Variants in LRIF1 observed in about 807,000 individuals in gnomAD.
The protein encoded by LRIF1 is ligand-dependent nuclear receptor-interacting factor 1.
A neutral mutation model predicts 52.7 loss-of-function variants in LRIF1; 32 were observed. That is an observed-to-expected ratio of 0.61 (90% CI 0.46 to 0.82). The LOEUF is 0.82. LRIF1 is among the 40% of genes least tolerant of loss of function. LRIF1 has a pLI of 0.00. For missense variants in LRIF1, 887 were observed against 892.0 expected, an observed-to-expected ratio of 0.99 and a Z score of 0.07; for synonymous variants, 323 against 317.4, an observed-to-expected ratio of 1.02 and a Z score of -0.19.
chr1:110,941,248 A>G, the LRIF1 span: 1 of 152,100 alleles, frequency 6.6e-6, no homozygotes, highest in Non-Finnish European at 1.5e-5. Flanking sequence ...GTATAAATGT[A>G]TATACTATGC....
chr1:110,889,328 G>C, the LRIF1 span, among the ~76,000 whole-genome samples: 1 of 152,000 alleles, frequency 6.6e-6, no homozygotes, highest in East Asian at 1.9e-4. Flanking sequence ...AGGCTGAGAC[G>C]GGTAGATCAC....
chr1:110,917,856 C>G, the LRIF1 span, among the ~76,000 whole-genome samples: 1 of 151,994 alleles, frequency 6.6e-6, no homozygotes. Flanking sequence ...TTATTCATAA[C>G]ATACAAATCC....
the LRIF1 span, among the ~76,000 whole-genome samples, chr1:110,932,322 G>A: frequency 6.6e-6 from 1 of 152,128 alleles, no homozygotes; most frequent in East Asian, 1.9e-4. Flanking sequence ...TGATGCCTCT[G>A]TACTGTTCCA....
At chr1:110,959,736 C>CAAAAAAAA in intron 1 of LRIF1, among the ~76,000 whole-genome samples, 1 of 56,338 alleles carries the variant, frequency 1.8e-5, no homozygotes, top group Non-Finnish European at 3.3e-5. Context: ...GACTCCATCT[C>CAAAAAAAA]AAAAAAAAAA....
At chr1:110,891,469 TG>T in the LRIF1 span, 3 of 1,611,190 alleles carry the variant, frequency 1.9e-6, no homozygotes. Context: ...CTTGCTCTTT[TG>T]GGTAAGTGTA....
At chr1:110,949,308 C>G (rs563545605) in intron 3 of LRIF1, among the ~76,000 whole-genome samples, 1 of 151,916 alleles carries the variant, frequency 6.6e-6, no homozygotes, top group South Asian at 2.1e-4. Flanking sequence ...TTAGTAGAGA[C>G]GGGGTTTCAC....
chr1:110,918,444 T>C, the LRIF1 span, among the ~76,000 whole-genome samples: 2 of 152,074 alleles, frequency 1.3e-5, no homozygotes, highest in African/African-American at 4.8e-5. Context: ...TAAAGATATA[T>C]CAAATCCAAA....
the LRIF1 span, chr1:110,939,817 A>G: frequency 6.6e-6 from 1 of 152,232 alleles, no homozygotes; most frequent in Non-Finnish European, 1.5e-5. Flanking sequence ...ATTTCTCGCC[A>G]TATACAAAAG....
At chr1:110,963,360 C>T (rs956949721) in intron 1 of LRIF1, 1 of 298,056 alleles carries the variant, frequency 3.4e-6, no homozygotes, top group African/African-American at 2.1e-5. Context: ...CCGTGGAGAT[C>T]TACTCGGTCC....
At chr1:110,921,727 T>G in the LRIF1 span, among the ~76,000 whole-genome samples, 1 of 152,200 alleles carries the variant, frequency 6.6e-6, no homozygotes, top group Non-Finnish European at 1.5e-5. Context: ...AGCAAACTTT[T>G]TTTCAGTGAT....
Position 110,947,237 on chromosome 1 carries a change from T to G in LRIF1, c.*722A>C, listed in dbSNP as rs1157471152. 2.6e-5 allele frequency: 4 copies of G among 151,844 alleles called. No homozygotes were observed. Among genetic ancestry groups the G allele is most frequent in the Admixed American group, 2.0e-4 (3 of 15,224 alleles). 9.4% of individuals were successfully genotyped at this position (151,844 alleles called of 1,614,324 possible). A position where few individuals can be genotyped will look rare whatever the true frequency, so the allele number is the denominator to read the frequency against. On this transcript the variant is annotated 3_prime_UTR_variant, in exon 4 of 4. Transcript: ENST00000369763. ...TATTAAATGTGATAACTGTTCAGGA[T>G]CTACTTTTTACACAATCTCAGTAAC...
the LRIF1 span, among the ~76,000 whole-genome samples, chr1:110,889,664 A>C: frequency 2.0e-5 from 3 of 152,166 alleles, no homozygotes; most frequent in Non-Finnish European, 4.4e-5. Context: ...AAGATCATTT[A>C]ATATTCACAA....
the LRIF1 span, chr1:110,896,609 T>C: frequency 3.2e-6 from 5 of 1,579,220 alleles, no homozygotes; most frequent in Non-Finnish European, 3.5e-6. Flanking sequence ...TTTTTTTCAC[T>C]GTTGACTTTC....
chr1:110,951,325 G>GT lies in LRIF1; in HGVS notation c.1558dup (p.Thr520AsnfsTer16). On this transcript the variant is annotated frameshift_variant, in exon 2 of 4. Transcript: ENST00000369763. LOFTEE classifies it high-confidence loss of function. ...GTCTCTGAAAACACACTGTTGTGAA[G>GT]TAACAGTTGTTGCATCAACAGAGGA... 5 of 1,614,064 alleles carry GT rather than the reference G, an allele frequency of 3.1e-6. No individual in the cohort carries two copies. The highest frequency in any genetic ancestry group is 4.2e-6 in the Non-Finnish European group (5 of 1,179,952).
intron 1 of LRIF1, among the ~76,000 whole-genome samples, chr1:110,961,493 A>C (rs539717044): frequency 6.6e-6 from 1 of 152,292 alleles, no homozygotes; most frequent in East Asian, 1.9e-4. Flanking sequence ...ACCATCACAA[A>C]TATCTTCCAG....
chr1:110,879,019 A>G, the LRIF1 span, among the ~76,000 whole-genome samples: 1 of 151,860 alleles, frequency 6.6e-6, no homozygotes, highest in Non-Finnish European at 1.5e-5. Flanking sequence ...TTATTGTTTG[A>G]TTTCTTTTTG....
chr1:110,924,223 C>A, the LRIF1 span, among the ~76,000 whole-genome samples: 1 of 151,924 alleles, frequency 6.6e-6, no homozygotes, highest in Non-Finnish European at 1.5e-5. Flanking sequence ...GATCAATAAT[C>A]AAAAATATTA....
the LRIF1 span, among the ~76,000 whole-genome samples, chr1:110,906,393 T>C: frequency 6.6e-6 from 1 of 151,608 alleles, no homozygotes; most frequent in African/African-American, 2.4e-5. Context: ...AAAGAAAAAT[T>C]AAAAGCCAAA....
the LRIF1 span, among the ~76,000 whole-genome samples, chr1:110,887,031 T>C: frequency 6.7e-6 from 1 of 148,824 alleles, no homozygotes; most frequent in Non-Finnish European, 1.5e-5. Context: ...ATTTGAGTCT[T>C]TTTATACTTT....
Sources: gnomAD v4.1 joint callset for allele counts (sites outside exome capture counted in the v4.1 genomes callset) on GRCh38, gnomAD v4.1.1 for gene constraint, MANE v1.5 for transcripts, NCBI Gene and HGNC (gene_info 2026-07-23, HGNC 2026-07-21) for gene names.